PDE3B: variants seen among roughly 807,000 people sequenced by gnomAD.
PDE3B encodes phosphodiesterase 3B.
PDE3B carries 66 observed loss-of-function variants against 116.8 expected under a neutral mutation model. The ratio of observed to expected loss-of-function variants is 0.56; its 90% confidence interval spans 0.46 to 0.69. The LOEUF (loss-of-function observed/expected upper bound fraction) is 0.69, where lower values mean the gene tolerates loss of function less well. PDE3B is among the 30% of genes least tolerant of loss of function. PDE3B has a pLI of 0.00. For synonymous variants in PDE3B, 595 were observed against 533.6 expected (o/e 1.12, Z -1.59); for missense variants, 1,384 against 1,368.1 (o/e 1.01, Z -0.18).
chr11:14,782,714 G>T (rs1399727542), intron 2 of PDE3B, among the ~76,000 whole-genome samples: 2 of 152,052 alleles, frequency 1.3e-5, no homozygotes, highest in African/African-American at 2.4e-5. Context: ...GGACTTCATG[G>T]CTAAAACACC....
chr11:14,770,835 T>C (rs2133897071), intron 1 of PDE3B, among the ~76,000 whole-genome samples: 1 of 151,734 alleles, frequency 6.6e-6, no homozygotes, highest in East Asian at 1.9e-4. Context: ...GACAGTTTTT[T>C]GAGTGATTAA....
intron 1 of PDE3B, among the ~76,000 whole-genome samples, chr11:14,670,185 G>A (rs1854322131): frequency 6.6e-6 from 1 of 152,110 alleles, no homozygotes; most frequent in Non-Finnish European, 1.5e-5. Context: ...CACCATCTGT[G>A]TTTAATTTCT....
intron 1 of PDE3B, among the ~76,000 whole-genome samples, chr11:14,760,753 C>T (rs1373299247): frequency 6.6e-6 from 1 of 152,088 alleles, no homozygotes; most frequent in African/African-American, 2.4e-5. Flanking sequence ...CCACTGTTCT[C>T]AGTGTGTATA....
At chr11:14,882,253 A>G in the PDE3B span, among the ~76,000 whole-genome samples, 139 of 152,278 alleles carry the variant, frequency 9.1e-4, no homozygotes, top group African/African-American at 3.1e-3. Flanking sequence ...CACTAGTAGG[A>G]AAGACAGACA....
At chr11:14,723,381 A>G (rs1198036031) in intron 1 of PDE3B, among the ~76,000 whole-genome samples, 2 of 152,188 alleles carry the variant, frequency 1.3e-5, no homozygotes, top group African/African-American at 4.8e-5. Flanking sequence ...TTTGAAGTAC[A>G]TAGACATTAA....
At chr11:14,868,550 A>G (rs1555008477) in intron 15 of PDE3B, among the ~76,000 whole-genome samples, 1 of 152,240 alleles carries the variant, frequency 6.6e-6, no homozygotes, top group Non-Finnish European at 1.5e-5. Context: ...GTATAAGACA[A>G]TTAGTATAAA....
chr11:14,788,300 A>G (rs946710952), intron 3 of PDE3B, among the ~76,000 whole-genome samples: 1 of 152,126 alleles, frequency 6.6e-6, no homozygotes, highest in African/African-American at 2.4e-5. Context: ...TATCTTATAC[A>G]CATTAAGAAC....
chr11:14,812,256 T>C (rs1040638590), intron 5 of PDE3B, among the ~76,000 whole-genome samples: 1 of 152,206 alleles, frequency 6.6e-6, no homozygotes, highest in African/African-American at 2.4e-5. Flanking sequence ...TTGTATGGTA[T>C]ATGAATGATA....
intron 1 of PDE3B, among the ~76,000 whole-genome samples, chr11:14,742,195 G>T (rs954912961): frequency 1.3e-5 from 2 of 152,144 alleles, no homozygotes; most frequent in Non-Finnish European, 2.9e-5. Flanking sequence ...TTCCAACTTG[G>T]TTCCATTCTC....
chr11:14,662,572 C>A (rs1011860049), intron 1 of PDE3B, among the ~76,000 whole-genome samples: 68 of 152,022 alleles, frequency 4.5e-4, no homozygotes, highest in Middle Eastern at 3.4e-3. Context: ...AAAATTTAGA[C>A]GAATGTATAA....
At chr11:14,744,514 A>G (rs1249696936) in intron 1 of PDE3B, among the ~76,000 whole-genome samples, 3 of 152,138 alleles carry the variant, frequency 2.0e-5, no homozygotes, top group Non-Finnish European at 4.4e-5. Context: ...GCCTTGATTA[A>G]GTTTATTACC....
chr11:14,644,591 G>A lies in PDE3B; in HGVS notation c.516G>A (p.Trp172Ter), dbSNP rs1339482480. The A allele has an allele frequency of 1.3e-6, 2 of 1,573,546 alleles. No individual in the cohort carries two copies. The highest frequency in any genetic ancestry group is 1.2e-5 in the South Asian group (1 of 86,298). Reference protein sequence around the residue: ...YLGDFLVWQWWSWPWGDGDAG... With the variant: ...YLGDFLVWQW ...GGGACTTCTTGGTGTGGCAGTGGTGGTCTTGGCCTTGGGGGGATGGCGACG... is the reference window on the plus strand; with the variant it reads ...GGGACTTCTTGGTGTGGCAGTGGTGATCTTGGCCTTGGGGGGATGGCGACG... The change falls in exon 1 of 16, where the codon TGG becomes TGA. Residue 172 changes from tryptophan (W) to a stop codon, truncating the protein, a stop_gained. Coordinates refer to ENST00000282096, the MANE Select transcript of PDE3B (RefSeq NM_000922.4). LOFTEE classifies it high-confidence loss of function.
rs1859392836 is a variant in PDE3B, at chr11:14,818,229, A to G, written c.1569A>G (p.Pro523=). The G allele has an allele frequency of 1.2e-6, 2 of 1,613,652 alleles. No homozygotes were observed. The highest frequency in any genetic ancestry group is 1.7e-5 in the Admixed American group (1 of 59,960). Residue 523 remains proline (P), a synonymous_variant, in exon 6 of 16, where the codon CCA becomes CCG. Coordinates refer to ENST00000282096, the MANE Select transcript of PDE3B (RefSeq NM_000922.4). Reference sequence around the variant, plus strand: ...CTGTGAATTCTTCCAACCATGGACCAGTGTCTACTGGCTCTCTAACTAATC... The same window carrying G: ...CTGTGAATTCTTCCAACCATGGACCGGTGTCTACTGGCTCTCTAACTAATC... The part of the protein sequence containing the change: ...LSPVNSSNHG[P]VSTGSLTNRS...
chr11:14,751,837 C>T (rs928758847), intron 1 of PDE3B, among the ~76,000 whole-genome samples: 3 of 152,076 alleles, frequency 2.0e-5, no homozygotes, highest in Non-Finnish European at 2.9e-5. Context: ...TCAAAGATTC[C>T]CTCCATCCCT....
chr11:14,852,813 T>A (rs1329358520), intron 12 of PDE3B, among the ~76,000 whole-genome samples: 2 of 152,130 alleles, frequency 1.3e-5, no homozygotes, highest in East Asian at 3.9e-4. Context: ...GTAATCTCAG[T>A]GCTTTGGGTG....
chr11:14,738,263 C>T (rs1856659549), intron 1 of PDE3B, among the ~76,000 whole-genome samples: 1 of 152,240 alleles, frequency 6.6e-6, no homozygotes, highest in South Asian at 2.1e-4. Flanking sequence ...TATTTCTACA[C>T]ATCCTCTGCA....
intron 1 of PDE3B, among the ~76,000 whole-genome samples, chr11:14,768,109 T>C (rs1461128094): frequency 6.6e-5 from 10 of 151,530 alleles, no homozygotes. Flanking sequence ...TTTCTGATGA[T>C]TGCTTCATTT....
intron 7 of PDE3B, among the ~76,000 whole-genome samples, chr11:14,827,253 G>A (rs1190888239): frequency 6.6e-6 from 1 of 151,888 alleles, no homozygotes; most frequent in Admixed American, 6.6e-5. Context: ...CCTTGAAAAC[G>A]GGCACAAGAC....
At chr11:14,882,089 C>CT in the PDE3B span, among the ~76,000 whole-genome samples, 8 of 152,182 alleles carry the variant, frequency 5.3e-5, no homozygotes, top group South Asian at 2.1e-4. Flanking sequence ...ATAGTCCATT[C>CT]TTTTTTCTAT....
Sources: allele counts gnomAD v4.1 joint callset (sites outside exome capture counted in the v4.1 genomes callset), GRCh38; gene constraint gnomAD v4.1.1; transcripts MANE v1.5; gene names NCBI Gene and HGNC (gene_info 2026-07-23, HGNC 2026-07-21).